The following VCF1 variants were observed in gnomAD, a reference collection of about 807,000 sequenced individuals.
VCF1 encodes the protein VCP nuclear cofactor family member 1.
the VCF1 span, among the ~76,000 whole-genome samples, chr17:73,219,522 C>T: frequency 2.0e-5 from 3 of 150,298 alleles, no homozygotes; most frequent in Admixed American, 1.3e-4. Flanking sequence ...TGGTGGCAGG[C>T]GCCTGTAGTT....
At chr17:73,225,899 ATT>A in the VCF1 span, among the ~76,000 whole-genome samples, 6,418 of 114,328 alleles carry the variant, frequency 0.056, 375 homozygotes, top group African/African-American at 0.16. Flanking sequence ...ATATATATAT[ATT>A]TTTTTTTTTT....
chr17:73,225,880 A>AG, the VCF1 span, among the ~76,000 whole-genome samples: 1 of 64,092 alleles, frequency 1.6e-5, no homozygotes, highest in African/African-American at 5.0e-5. Flanking sequence ...ATATATATAT[A>AG]TAATATATAT....
chr17:73,221,592 C>G, the VCF1 span, among the ~76,000 whole-genome samples: 3 of 151,818 alleles, frequency 2.0e-5, no homozygotes, highest in African/African-American at 7.3e-5. Context: ...TGGCTTTACA[C>G]GAAACAAAAA....
At chr17:73,209,093 A>AACTT in the VCF1 span, 3 of 189,618 alleles carry the variant, frequency 1.6e-5, no homozygotes, top group African/African-American at 2.4e-5. Context: ...TTTGGAAAAA[A>AACTT]ACTTATGTTT....
At chr17:73,207,503 G>A in the VCF1 span, 2 of 612,488 alleles carry the variant, frequency 3.3e-6, no homozygotes, top group Non-Finnish European at 5.7e-6. Context: ...ATACAGGACA[G>A]GGTGGAGATG....
the VCF1 span, chr17:73,209,691 C>T: frequency 1.9e-5 from 29 of 1,548,812 alleles, no homozygotes; most frequent in Admixed American, 2.0e-5. Context: ...AGCTGCCTTC[C>T]GGCCCGCTGG....
chr17:73,212,687 C>G, the VCF1 span: 2 of 1,596,360 alleles, frequency 1.3e-6, no homozygotes, highest in Non-Finnish European at 8.5e-7. Flanking sequence ...CCGCGCAGAA[C>G]GCTTTGTTTC....
At chr17:73,220,722 G>T in the VCF1 span, among the ~76,000 whole-genome samples, 3 of 150,986 alleles carry the variant, frequency 2.0e-5, no homozygotes, top group Non-Finnish European at 4.4e-5. Flanking sequence ...TGGGATTATA[G>T]ACATGGCCCG....
chr17:73,229,119 G>A, the VCF1 span: 3 of 983,726 alleles, frequency 3.0e-6, no homozygotes, highest in Non-Finnish European at 3.6e-6. Context: ...CTCTGGGAGA[G>A]TCACATGAAA....
the VCF1 span, chr17:73,232,218 G>A: frequency 5.0e-6 from 8 of 1,611,356 alleles, no homozygotes; most frequent in Non-Finnish European, 6.8e-6. Context: ...GGCTCTCGCA[G>A]CCGCTCGGGT....
the VCF1 span, among the ~76,000 whole-genome samples, chr17:73,219,650 CA>C: frequency 9.0e-5 from 11 of 122,834 alleles, no homozygotes; most frequent in African/African-American, 1.2e-4. Context: ...ACTCTGTCTC[CA>C]AAAAAAAAGA....
the VCF1 span, among the ~76,000 whole-genome samples, chr17:73,213,558 T>C: frequency 6.6e-6 from 1 of 152,226 alleles, no homozygotes; most frequent in Non-Finnish European, 1.5e-5. Flanking sequence ...GAAGGATATA[T>C]ATGACAAAAT....
At chr17:73,209,897 G>C in the VCF1 span, 1 of 1,377,508 alleles carries the variant, frequency 7.3e-7, no homozygotes, top group South Asian at 1.4e-5. Context: ...GACATATACT[G>C]GGCTTTGGAA....
the VCF1 span, among the ~76,000 whole-genome samples, chr17:73,220,839 A>T: frequency 1.3e-5 from 2 of 150,800 alleles, no homozygotes; most frequent in African/African-American, 2.5e-5. Context: ...TAAAGGTATT[A>T]AAAAAAATTG....
At chr17:73,217,815 AC>A in the VCF1 span, among the ~76,000 whole-genome samples, 1 of 151,354 alleles carries the variant, frequency 6.6e-6, no homozygotes, top group African/African-American at 2.4e-5. Flanking sequence ...CTACTAAAAT[AC>A]AAAAAGTTAG....
the VCF1 span, among the ~76,000 whole-genome samples, chr17:73,225,237 G>A: frequency 6.6e-6 from 1 of 152,178 alleles, no homozygotes; most frequent in Non-Finnish European, 1.5e-5. Flanking sequence ...CTTTGGACAA[G>A]TAAGGACAAG....
At chr17:73,207,856 G>A in the VCF1 span, 134 of 1,219,340 alleles carry the variant, frequency 1.1e-4, no homozygotes, top group African/African-American at 1.6e-3. Context: ...TATCCTTTCC[G>A]TATTCCCTAC....
At chr17:73,228,865 TTGAG>T in the VCF1 span, among the ~76,000 whole-genome samples, 2 of 152,072 alleles carry the variant, frequency 1.3e-5, no homozygotes, top group African/African-American at 4.8e-5. Context: ...GAGAAAGTCA[TTGAG>T]TAAGTAGCAG....
chr17:73,217,839 G>A, the VCF1 span, among the ~76,000 whole-genome samples: 2 of 151,988 alleles, frequency 1.3e-5, no homozygotes, highest in Admixed American at 6.6e-5. Context: ...GGGCGTGGAG[G>A]CGTGCGCCTG....
Sources: gnomAD v4.1 joint callset for allele counts (sites outside exome capture counted in the v4.1 genomes callset) on GRCh38, gnomAD v4.1.1 for gene constraint, MANE v1.5 for transcripts, NCBI Gene and HGNC (gene_info 2026-07-23, HGNC 2026-07-21) for gene names.